The following RIMS2 variants were observed in gnomAD, a reference collection of about 807,000 sequenced individuals.
RIMS2 encodes the protein regulating synaptic membrane exocytosis 2.
RIMS2 carries 59 observed loss-of-function variants against 174.4 expected under a neutral mutation model. That is an observed-to-expected ratio of 0.34 (90% CI 0.27 to 0.42). RIMS2 has a LOEUF of 0.42. RIMS2 is among the 10% of genes least tolerant of loss of function. The pLI is 1.00. For missense variants in RIMS2, 1,620 were observed against 1,666.3 expected, an observed-to-expected ratio of 0.97 and a Z score of 0.48; for synonymous variants, 606 against 572.5, an observed-to-expected ratio of 1.06 and a Z score of -0.84.
rs144930181 is a variant in RIMS2 at position 103,558,535 on chromosome 8, T to C, written c.176+57473T>C. ...CACCGTGCCTGCCCCAAATCTTTTATCTTTGGCCTTTTTAACCATTTCATA... is the reference window on the plus strand; with the variant it reads ...CACCGTGCCTGCCCCAAATCTTTTACCTTTGGCCTTTTTAACCATTTCATA... On this transcript the variant is annotated intron_variant, in intron 1 of 23. Transcript: ENST00000504942. 9.6e-4 allele frequency among the ~76,000 whole-genome samples: 146 copies of C among 152,344 alleles called. 1 individual carries two copies. The highest frequency in any genetic ancestry group is 3.5e-3 in the African/African-American group (145 of 41,586).
At chr8:103,526,753 T>G (rs1834178587) in intron 1 of RIMS2, among the ~76,000 whole-genome samples, 1 of 151,812 alleles carries the variant, frequency 6.6e-6, no homozygotes, top group African/African-American at 2.4e-5. Context: ...AATATAACAG[T>G]ATGTAGGAGA....
At chr8:104,177,346 C>T (rs528597372) in intron 19 of RIMS2, among the ~76,000 whole-genome samples, 180 of 152,128 alleles carry the variant, frequency 1.2e-3, no homozygotes, top group African/African-American at 4.2e-3. Context: ...TGGCTATATT[C>T]TATATAACAG....
intron 1 of RIMS2, among the ~76,000 whole-genome samples, chr8:103,606,490 G>T (rs1320411097): frequency 6.6e-6 from 1 of 152,164 alleles, no homozygotes; most frequent in South Asian, 2.1e-4. Flanking sequence ...GATTTGTGGT[G>T]GAGAGTTCTG....
rs2154527488 is a variant in RIMS2, at chr8:103,912,187, G to A, written c.1812+15G>A. 6.2e-7 allele frequency: 1 copy of A among 1,600,002 alleles called. No individual in the cohort carries two copies. The highest frequency in any genetic ancestry group is 8.5e-7 in the Non-Finnish European group (1 of 1,170,880). ...TTGGCTTGAAGGTATGTAATAAAAA[G>A]TATGAGATTTTGGCTCTATACTCTT... is the stretch of plus-strand genomic sequence containing the variant. On this transcript the variant is annotated intron_variant, in intron 6 of 23. Transcript: ENST00000504942.
chr8:103,585,905 T>G (rs535967112), intron 1 of RIMS2, among the ~76,000 whole-genome samples: 1 of 146,272 alleles, frequency 6.8e-6, no homozygotes, highest in South Asian at 2.2e-4. Flanking sequence ...TTTTAAAAAA[T>G]TGCATCAATC....
chr8:104,226,912 A>T (rs917479895), intron 19 of RIMS2, among the ~76,000 whole-genome samples: 1 of 152,242 alleles, frequency 6.6e-6, no homozygotes, highest in African/African-American at 2.4e-5. Context: ...TTATTATATG[A>T]CATTTCCTTT....
At chr8:103,733,568 A>T (rs777973492) in intron 2 of RIMS2, among the ~76,000 whole-genome samples, 2 of 152,162 alleles carry the variant, frequency 1.3e-5, no homozygotes, top group African/African-American at 2.4e-5. Context: ...CATGGTGGTG[A>T]GGCTTGTCTG....
chr8:104,238,630 A>G (rs2099271359), intron 19 of RIMS2, among the ~76,000 whole-genome samples: 2 of 152,100 alleles, frequency 1.3e-5, no homozygotes, highest in Non-Finnish European at 2.9e-5. Context: ...ATTCTTAAAG[A>G]CGAAAAAGTC....
intron 1 of RIMS2, among the ~76,000 whole-genome samples, chr8:103,557,581 C>T (rs1021323153): frequency 6.6e-6 from 1 of 152,156 alleles, no homozygotes; most frequent in African/African-American, 2.4e-5. Flanking sequence ...TGGGACACTA[C>T]AATGAATGAA....
chr8:103,992,108 T>TTTTG (rs1332866051), intron 17 of RIMS2, among the ~76,000 whole-genome samples: 1 of 151,836 alleles, frequency 6.6e-6, no homozygotes, highest in African/African-American at 2.4e-5. Flanking sequence ...GTTGTTGTTG[T>TTTTG]TTTGTTTGTT....
chr8:103,984,043 G>T (rs1229218283), intron 16 of RIMS2, among the ~76,000 whole-genome samples: 1 of 152,094 alleles, frequency 6.6e-6, no homozygotes, highest in Admixed American at 6.6e-5. Context: ...GCGTGGTGGC[G>T]GGCACCTGTA....
chr8:104,116,359 G>A lies in RIMS2; in HGVS notation c.3334+101744G>A, dbSNP rs549355036. Among the ~76,000 whole-genome samples, 430 of 152,250 alleles carry A rather than the reference G, an allele frequency of 2.8e-3. 3 individuals carry two copies. The highest frequency in any genetic ancestry group is 9.4e-3 in the African/African-American group (389 of 41,548). On this transcript the variant is annotated intron_variant, in intron 19 of 23. Transcript: ENST00000504942. ...TATTGTAATGGATTTTAAGTCTCCAGAAGTAGAGCTAATTATAGAAATGTT... is the reference window on the plus strand; with the variant it reads ...TATTGTAATGGATTTTAAGTCTCCAAAAGTAGAGCTAATTATAGAAATGTT...
chr8:103,787,463 C>G (rs1287491243), intron 3 of RIMS2, among the ~76,000 whole-genome samples: 1 of 150,124 alleles, frequency 6.7e-6, no homozygotes, highest in Non-Finnish European at 1.5e-5. Flanking sequence ...TTAGGGCAGG[C>G]CTGGTGGTGA....
At chr8:104,209,189 G>A (rs542389323) in intron 19 of RIMS2, among the ~76,000 whole-genome samples, 3 of 152,282 alleles carry the variant, frequency 2.0e-5, no homozygotes, top group Admixed American at 6.5e-5. Context: ...TCAAAATATA[G>A]CAGGCAGAAT....
chr8:104,237,777 A>C (rs1335895509), intron 19 of RIMS2, among the ~76,000 whole-genome samples: 1 of 152,174 alleles, frequency 6.6e-6, no homozygotes, highest in Non-Finnish European at 1.5e-5. Context: ...AGCCCAGACG[A>C]AATTGTTGGC....
At chr8:104,153,028 T>C (rs1444998475) in intron 19 of RIMS2, among the ~76,000 whole-genome samples, 3 of 152,146 alleles carry the variant, frequency 2.0e-5, no homozygotes, top group Non-Finnish European at 2.9e-5. Flanking sequence ...TCCTAAAGAA[T>C]AGTGAAATGA....
chr8:104,148,825 G>C (rs1425026360), intron 19 of RIMS2: 5 of 1,598,226 alleles, frequency 3.1e-6, no homozygotes, highest in African/African-American at 1.3e-5. Context: ...AAAAGTCGCA[G>C]TGCTTCTCAG....
chr8:103,700,972 T>A (rs907043922), intron 2 of RIMS2, among the ~76,000 whole-genome samples: 1 of 152,106 alleles, frequency 6.6e-6, no homozygotes, highest in African/African-American at 2.4e-5. Context: ...TATATTGTTA[T>A]TCTTTTTGTA....
rs563894228 is a variant in RIMS2, at chr8:103,643,793, A to G, written c.177-53293A>G. On this transcript the variant is annotated intron_variant, in intron 1 of 23. Coordinates refer to ENST00000504942, the Ensembl canonical transcript of RIMS2. ...TCTGATAGTTCTGTCATTAGGCCTC[A>G]GTCTGTCAATGAGCTTGAGTTGAGT... Among the ~76,000 whole-genome samples the G allele has an allele frequency of 2.6e-4, 40 of 152,044 alleles. No homozygotes were observed. The South Asian group carries it at 7.9e-3, about 30-fold the overall frequency.
Sources: gnomAD v4.1 joint callset for allele counts (sites outside exome capture counted in the v4.1 genomes callset) on GRCh38, gnomAD v4.1.1 for gene constraint, MANE v1.5 for transcripts, NCBI Gene and HGNC (gene_info 2026-07-23, HGNC 2026-07-21) for gene names.